MRPS28: variants seen among roughly 807,000 people sequenced by gnomAD.
MRPS28 encodes mitochondrial ribosomal protein S28.
In MRPS28, 7 loss-of-function variants were observed where a neutral mutation model predicts 10.8. The ratio of observed to expected loss-of-function variants is 0.65; its 90% CI spans 0.37 to 1.22. The LOEUF (loss-of-function observed/expected upper bound fraction) is 1.22, where lower values mean the gene tolerates loss of function less well. Among genes scored for constraint, MRPS28 ranks in the 50% most tolerant of loss-of-function variants. The pLI is 0.02. For missense variants in MRPS28, 265 were observed against 232.9 expected, an observed-to-expected ratio of 1.14 and a Z score of -0.90; for synonymous variants, 121 against 93.3, an observed-to-expected ratio of 1.30 and a Z score of -1.71.
At chr8:80,017,465 A>G (rs1486083038) in intron 1 of MRPS28, among the ~76,000 whole-genome samples, 1 of 152,230 alleles carries the variant, frequency 6.6e-6, no homozygotes, top group East Asian at 1.9e-4. Context: ...AAGAAATACT[A>G]TAAACAACTC....
intron 2 of MRPS28, among the ~76,000 whole-genome samples, chr8:79,985,266 A>T (rs554503384): frequency 6.6e-5 from 10 of 152,252 alleles, no homozygotes; most frequent in Non-Finnish European, 1.5e-4. Context: ...TCTGGGACAC[A>T]GTCAAATCAG....
chr8:79,935,273 G>C (rs969708407), intron 2 of MRPS28, among the ~76,000 whole-genome samples: 3 of 152,208 alleles, frequency 2.0e-5, no homozygotes, highest in Admixed American at 1.3e-4. Context: ...GACTAGTACT[G>C]TATGGCTGCC....
intron 2 of MRPS28, among the ~76,000 whole-genome samples, chr8:79,984,782 T>A (rs1808101686): frequency 6.6e-6 from 1 of 152,166 alleles, no homozygotes; most frequent in Non-Finnish European, 1.5e-5. Flanking sequence ...AAGCAAGTCC[T>A]GAGTGACCTA....
At chr8:79,987,430 T>C (rs370932208) in intron 2 of MRPS28, among the ~76,000 whole-genome samples, 2 of 151,654 alleles carry the variant, frequency 1.3e-5, no homozygotes, top group African/African-American at 4.9e-5. Flanking sequence ...ACAAATGGGA[T>C]CTAATTAAAC....
At chr8:79,930,249 G>C (rs892105733) in intron 2 of MRPS28, among the ~76,000 whole-genome samples, 2 of 152,166 alleles carry the variant, frequency 1.3e-5, no homozygotes, top group African/African-American at 4.8e-5. Flanking sequence ...AGGTATTTTA[G>C]TATATTAATC....
At chr8:79,967,554 G>GAGCAAGAAATGGCATAGGTGTATC (rs1319849272) in intron 2 of MRPS28, among the ~76,000 whole-genome samples, 1 of 152,158 alleles carries the variant, frequency 6.6e-6, no homozygotes, top group Non-Finnish European at 1.5e-5. Context: ...GTTTTGTTGT[G>GAGCAAGAAATGGCATAGGTGTATC]AGCAAGAAAT....
chr8:80,007,194 A>C (rs1808875451), intron 1 of MRPS28, among the ~76,000 whole-genome samples: 1 of 152,232 alleles, frequency 6.6e-6, no homozygotes, highest in Non-Finnish European at 1.5e-5. Flanking sequence ...CAATAGATGC[A>C]GAAAAGGCCT....
intron 1 of MRPS28, among the ~76,000 whole-genome samples, chr8:80,007,293 T>A (rs187020145): frequency 6.6e-6 from 1 of 152,164 alleles, no homozygotes; most frequent in African/African-American, 2.4e-5. Flanking sequence ...GAGCTATCTA[T>A]GAAAAACCCA....
chr8:80,003,249 T>G (rs2130163331), intron 1 of MRPS28, 69 bp from the exon 2 acceptor site: 1 of 1,207,834 alleles, frequency 8.3e-7, no homozygotes, highest in East Asian at 2.9e-5. Flanking sequence ...CTTAAAGAAA[T>G]TTTCTTAAAG....
Position 79,986,892 on chromosome 8 carries a change from C to T in MRPS28, c.395+16107G>A, listed in dbSNP as rs1390854510. On this transcript the variant is annotated intron_variant, in intron 2 of 2. Coordinates refer to ENST00000276585, the MANE Select transcript of MRPS28 (RefSeq NM_014018.3). ...TTCAATGCCATCCCCATCAAGCTAC[C>T]GATGACTTTCTTCACAGAATTGGAA... 1.1e-4 allele frequency among the ~76,000 whole-genome samples: 17 copies of T among 152,206 alleles called. 1 individual carries two copies. Among genetic ancestry groups the T allele is most frequent in the Admixed American group, 8.5e-4 (13 of 15,294 alleles).
intron 2 of MRPS28, chr8:79,958,188 G>A (rs1158816784): frequency 7.5e-6 from 4 of 532,936 alleles, no homozygotes; most frequent in Non-Finnish European, 1.3e-5. Context: ...AGACTCTGGG[G>A]ATGACTAATC....
intron 2 of MRPS28, among the ~76,000 whole-genome samples, chr8:79,955,975 A>G (rs1807197064): frequency 6.6e-6 from 1 of 152,212 alleles, no homozygotes; most frequent in African/African-American, 2.4e-5. Flanking sequence ...ACATAGGACC[A>G]AAACTGTTGG....
At chr8:79,990,982 T>A (rs1339665157) in intron 2 of MRPS28, among the ~76,000 whole-genome samples, 2 of 113,558 alleles carry the variant, frequency 1.8e-5, no homozygotes, top group African/African-American at 6.9e-5. Flanking sequence ...AGAGCAAGAC[T>A]CCATCTCAAA....
chr8:79,931,717 T>C (rs1054402986), intron 2 of MRPS28, among the ~76,000 whole-genome samples: 4 of 151,882 alleles, frequency 2.6e-5, no homozygotes, highest in African/African-American at 7.3e-5. Flanking sequence ...AACTAGCTAC[T>C]CTCTGTCATA....
At chr8:79,983,211 G>A (rs1212723737) in intron 2 of MRPS28, among the ~76,000 whole-genome samples, 1 of 152,148 alleles carries the variant, frequency 6.6e-6, no homozygotes, top group East Asian at 1.9e-4. Flanking sequence ...GCAGCTGAGT[G>A]TCCTGCCTGT....
intron 2 of MRPS28, among the ~76,000 whole-genome samples, chr8:79,949,135 G>C (rs1214111324): frequency 6.6e-6 from 1 of 152,082 alleles, no homozygotes; most frequent in Non-Finnish European, 1.5e-5. Flanking sequence ...CTAATCTGCG[G>C]CTCGGTGCCG....
At chr8:79,992,453 T>C (rs1021089662) in intron 2 of MRPS28, among the ~76,000 whole-genome samples, 1 of 152,210 alleles carries the variant, frequency 6.6e-6, no homozygotes, top group African/African-American at 2.4e-5. Context: ...CTTTTTTGTC[T>C]ATGAAACCAT....
At chr8:79,968,189 T>G (rs1807546577) in intron 2 of MRPS28, among the ~76,000 whole-genome samples, 1 of 152,188 alleles carries the variant, frequency 6.6e-6, no homozygotes, top group African/African-American at 2.4e-5. Context: ...CCTAAATGAC[T>G]GCCCTGCCTC....
At chr8:79,921,464 A>G (rs1194680707) in intron 2 of MRPS28, among the ~76,000 whole-genome samples, 13 of 149,514 alleles carry the variant, frequency 8.7e-5, no homozygotes, top group Middle Eastern at 3.4e-3. Flanking sequence ...CTTTTATTTC[A>G]TTGAGCAGTG....
Sources: gnomAD v4.1 joint callset for allele counts (sites outside exome capture counted in the v4.1 genomes callset) on GRCh38, gnomAD v4.1.1 for gene constraint, MANE v1.5 for transcripts, NCBI Gene and HGNC (gene_info 2026-07-23, HGNC 2026-07-21) for gene names.